DLC1: variants seen among roughly 807,000 people sequenced by gnomAD.
DLC1 encodes the protein rho GTPase-activating protein 7.
In DLC1, 54 loss-of-function variants were observed where a neutral mutation model predicts 140.3. That is an observed-to-expected ratio of 0.38 (90% CI 0.31 to 0.48). DLC1 has a LOEUF of 0.48. DLC1 is among the 20% of genes least tolerant of loss of function. The pLI is 0.96. For synonymous variants in DLC1, 986 were observed against 728.1 expected (o/e 1.35, Z -5.70); for missense variants, 2,536 against 1,907.0 (o/e 1.33, Z -6.14).
rs1469487349 is a variant in DLC1, at chr8:13,406,180, T to TG, written c.1024-4562dup. Among the ~76,000 whole-genome samples, 82 of 110,482 alleles carry TG rather than the reference T, an allele frequency of 7.4e-4. 1 individual carries two copies. Among genetic ancestry groups the TG allele is most frequent in the African/African-American group, 3.0e-3 (77 of 25,414 alleles). The allele number at this position is 110,482 out of a possible 152,430, so 72.5% of individuals were successfully genotyped here. A position where few individuals can be genotyped will look rare whatever the true frequency, so the allele number is the denominator to read the frequency against. On this transcript the variant is annotated intron_variant, in intron 2 of 17. Coordinates refer to ENST00000276297, the MANE Select transcript of DLC1 (RefSeq NM_182643.3). Reference sequence around the variant, plus strand: ...TGCCACCATCCCCAGCTAATTTTTGTGTTTTTTTTTTTTTTTTTCAGTGGA... The same window carrying TG: ...TGCCACCATCCCCAGCTAATTTTTGTGGTTTTTTTTTTTTTTTTTCAGTGGA...
chr8:13,372,145 A>AAGT (rs1835758734), intron 4 of DLC1, among the ~76,000 whole-genome samples: 2 of 150,126 alleles, frequency 1.3e-5, no homozygotes, highest in South Asian at 4.2e-4. Flanking sequence ...TTCAAAAAAA[A>AAGT]GTGTGTGTGT....
chr8:13,489,012 A>G (rs1371563383), intron 2 of DLC1, among the ~76,000 whole-genome samples: 1 of 151,922 alleles, frequency 6.6e-6, no homozygotes, highest in Non-Finnish European at 1.5e-5. Context: ...CAGTGGCGTG[A>G]TCTTGGCTCA....
intron 1 of DLC1, among the ~76,000 whole-genome samples, chr8:13,589,803 G>A (rs1805455542): frequency 6.6e-6 from 1 of 150,568 alleles, no homozygotes; most frequent in Non-Finnish European, 1.5e-5. Flanking sequence ...AAATATAAAT[G>A]GTGAAAGGAG....
At position 13,526,724 on chromosome 8, in the gene DLC1, A is replaced by G. The variant is rs199526373; in HGVS notation, c.-125-26528T>C. On this transcript the variant is annotated intron_variant, in intron 1 of 1. Transcript: ENST00000631382. ...ATTCATAGGTGGGAATTGAACAATA[A>G]GAACACATGGACACAGGAAGGGGAA... Among the ~76,000 whole-genome samples the G allele has an allele frequency of 5.9e-5, 9 of 152,162 alleles. No homozygotes were observed. In the East Asian group the frequency reaches 1.2e-3, roughly 20 times the overall value.
intron 4 of DLC1, among the ~76,000 whole-genome samples, chr8:13,357,139 T>C (rs1303781360): frequency 6.6e-6 from 1 of 152,104 alleles, no homozygotes; most frequent in African/African-American, 2.4e-5. Flanking sequence ...GGCATGGTGA[T>C]GTGTGCCTGT....
chr8:13,596,626 A>C (rs1480289340), intron 1 of DLC1, among the ~76,000 whole-genome samples: 1 of 152,034 alleles, frequency 6.6e-6, no homozygotes, highest in South Asian at 2.1e-4. Context: ...GGCAGAAAGG[A>C]GAATGGATAT....
intron 5 of DLC1, among the ~76,000 whole-genome samples, chr8:13,189,928 A>C (rs895494083): frequency 4.6e-5 from 7 of 151,972 alleles, no homozygotes; most frequent in African/African-American, 1.7e-4. Context: ...CTTCCCACAA[A>C]GCCAGAGCCT....
At chr8:13,565,273 G>C (rs973183469) in intron 1 of DLC1, among the ~76,000 whole-genome samples, 1 of 152,154 alleles carries the variant, frequency 6.6e-6, no homozygotes, top group Non-Finnish European at 1.5e-5. Flanking sequence ...GATTACCCCA[G>C]ACATTTGGCA....
intron 5 of DLC1, among the ~76,000 whole-genome samples, chr8:13,168,906 T>C (rs1825279349): frequency 6.6e-6 from 1 of 152,210 alleles, no homozygotes; most frequent in African/African-American, 2.4e-5. Context: ...GGTGACCCTG[T>C]GGTTATGACC....
intron 1 of DLC1, among the ~76,000 whole-genome samples, chr8:13,591,762 G>C (rs1321125309): frequency 6.6e-6 from 1 of 152,044 alleles, no homozygotes; most frequent in Non-Finnish European, 1.5e-5. Flanking sequence ...GGATATGTCA[G>C]ATATGAAATT....
intron 2 of DLC1, among the ~76,000 whole-genome samples, chr8:13,473,144 A>G (rs2117079627): frequency 6.6e-6 from 1 of 152,282 alleles, no homozygotes; most frequent in Middle Eastern, 3.4e-3. Context: ...TTCAGGTACT[A>G]TTTATGAGTA....
chr8:13,373,368 T>A (rs1230124234), intron 4 of DLC1, among the ~76,000 whole-genome samples: 1 of 152,212 alleles, frequency 6.6e-6, no homozygotes, highest in Non-Finnish European at 1.5e-5. Context: ...TCAGGCTTTC[T>A]GGATACTTGA....
chr8:13,308,195 C>A (rs1356005016), intron 4 of DLC1, among the ~76,000 whole-genome samples: 2 of 152,138 alleles, frequency 1.3e-5, no homozygotes, highest in Non-Finnish European at 2.9e-5. Flanking sequence ...AGCAAAAATA[C>A]ATTTTAGCCT....
At chr8:13,272,954 T>TA (rs1178302681) in intron 5 of DLC1, among the ~76,000 whole-genome samples, 3 of 152,250 alleles carry the variant, frequency 2.0e-5, no homozygotes. Flanking sequence ...ATTATCCTTT[T>TA]ATGTAATTCA....
At chr8:13,586,726 C>T (rs748452102) in intron 1 of DLC1, among the ~76,000 whole-genome samples, 6 of 151,640 alleles carry the variant, frequency 4.0e-5, no homozygotes, top group Non-Finnish European at 5.9e-5. Flanking sequence ...CTATGTAGTA[C>T]AATATCACAA....
intron 5 of DLC1, among the ~76,000 whole-genome samples, chr8:13,127,276 T>C (rs1225779016): frequency 6.6e-6 from 1 of 152,228 alleles, no homozygotes; most frequent in Non-Finnish European, 1.5e-5. Flanking sequence ...TCATTTTGTT[T>C]AGACATGTTG....
At chr8:13,367,011 C>A (rs76009739) in intron 4 of DLC1, among the ~76,000 whole-genome samples, 1 of 152,158 alleles carries the variant, frequency 6.6e-6, no homozygotes, top group Non-Finnish European at 1.5e-5. Context: ...CAACCACGAA[C>A]TTTGCCTCCT....
At chr8:13,154,110 A>C (rs868685685) in intron 5 of DLC1, among the ~76,000 whole-genome samples, 1 of 152,342 alleles carries the variant, frequency 6.6e-6, no homozygotes, top group African/African-American at 2.4e-5. Context: ...TGGTGTGTTT[A>C]CAATCCTTTA....
intron 5 of DLC1, among the ~76,000 whole-genome samples, chr8:13,241,145 C>G (rs1829528677): frequency 6.6e-6 from 1 of 152,210 alleles, no homozygotes; most frequent in Non-Finnish European, 1.5e-5. Flanking sequence ...TACTGCCCTT[C>G]AATAAGGAGG....
Sources: gnomAD v4.1 joint callset for allele counts (sites outside exome capture counted in the v4.1 genomes callset) on GRCh38, gnomAD v4.1.1 for gene constraint, MANE v1.5 for transcripts, NCBI Gene and HGNC (gene_info 2026-07-23, HGNC 2026-07-21) for gene names.